Variants in PHF6 observed in about 807,000 individuals in gnomAD.
PHF6 encodes the protein PHD-like zinc finger protein.
PHF6 carries 7 observed loss-of-function variants against 34.0 expected under a neutral mutation model. The ratio of observed to expected loss-of-function variants is 0.21; its 90% CI spans 0.12 to 0.39. The LOEUF is 0.39. PHF6 is among the 10% of genes least tolerant of loss of function. The probability of loss-of-function intolerance (pLI) is 1.00; values close to 1 mark genes in which losing one functional copy is unlikely to be tolerated. For synonymous variants in PHF6, 89 were observed against 88.4 expected, an observed-to-expected ratio of 1.01 and a Z score of -0.04; for missense variants, 128 against 262.8, an observed-to-expected ratio of 0.49 and a Z score of 3.55.
intron 3 of PHF6, among the ~76,000 whole-genome samples, chrX:134,388,338 C>G (rs1360693744): frequency 8.9e-6 from 1 of 111,879 alleles, no homozygotes; most frequent in Non-Finnish European, 1.9e-5. Flanking sequence ...GCTGCTTTCA[C>G]TTTGTTTTTG....
chrX:134,418,907 A>C (rs763815119), intron 9 of PHF6: 1 of 106,537 alleles, frequency 9.4e-6, no homozygotes, highest in East Asian at 3.0e-4. Context: ...CAGTAGTGTG[A>C]TCATGACTCA....
At chrX:134,409,242 A>G (rs73573261) in intron 5 of PHF6, among the ~76,000 whole-genome samples, 1,383 of 111,418 alleles carry the variant, frequency 0.012, 24 homozygotes, top group African/African-American at 0.043. Flanking sequence ...TCCATTTTTA[A>G]AAAATGGATA....
At chrX:134,385,216 G>C (rs993867279) in intron 3 of PHF6, among the ~76,000 whole-genome samples, 1 of 110,895 alleles carries the variant, frequency 9.0e-6, no homozygotes, top group African/African-American at 3.3e-5. Flanking sequence ...TCCCCGCTGC[G>C]GTGCCTGTAC....
intron 3 of PHF6, among the ~76,000 whole-genome samples, chrX:134,382,079 CAGT>C (rs2077310078): frequency 9.0e-6 from 1 of 111,522 alleles, no homozygotes; most frequent in South Asian, 3.8e-4. Flanking sequence ...TGAGAGGGCT[CAGT>C]AGAGCAGGAG....
At chrX:134,412,538 G>A (rs772129287) in intron 5 of PHF6, among the ~76,000 whole-genome samples, 2 of 111,694 alleles carry the variant, frequency 1.8e-5, no homozygotes, top group African/African-American at 6.5e-5. Flanking sequence ...AAAAAATGGC[G>A]AAAATATTAG....
intron 5 of PHF6, among the ~76,000 whole-genome samples, chrX:134,413,056 C>T (rs2077457492): frequency 8.9e-6 from 1 of 111,900 alleles, no homozygotes; most frequent in Admixed American, 9.6e-5. Flanking sequence ...GCAGTGCGGT[C>T]AGTGTGACTA....
intron 8 of PHF6, chrX:134,415,359 G>T: frequency 2.2e-6 from 1 of 448,890 alleles, no homozygotes; most frequent in Non-Finnish European, 3.7e-6. Context: ...TACATTTCAA[G>T]GCATTTGCAA....
rs1192198106 is a variant in PHF6 at position 134,427,417 on chromosome X, T to TAA, written c.*1757_*1758insAA. On this transcript the variant is annotated 3_prime_UTR_variant, in exon 11 of 11. Transcript: ENST00000370803. ...CCTTAAATCACTGTGTCTAGATCAT[T>TAA]TTTTACATTGTGTGCCATAGACTTA... 1.3e-5 allele frequency: 2 copies of TAA among 159,249 alleles called. No individual in the cohort carries two copies. Among genetic ancestry groups the TAA allele is most frequent in the Non-Finnish European group, 2.4e-5 (2 of 82,137 alleles). The allele number at this position is 159,249 out of a possible 1,213,427, so 13.1% of individuals were successfully genotyped here.
intron 5 of PHF6, among the ~76,000 whole-genome samples, chrX:134,403,193 G>T (rs1409179649): frequency 8.9e-6 from 1 of 112,371 alleles, no homozygotes; most frequent in Admixed American, 9.5e-5. Context: ...TAGGCCTCTT[G>T]TACCAAACAG....
intron 9 of PHF6, chrX:134,418,557 A>G (rs1030856373): frequency 8.9e-6 from 1 of 111,757 alleles, no homozygotes; most frequent in Non-Finnish European, 1.9e-5. Context: ...GTAAAAGACA[A>G]TGTACACAAG....
At chrX:134,415,373 G>A (rs779909153) in intron 8 of PHF6, 11 of 414,301 alleles carry the variant, frequency 2.7e-5, no homozygotes, top group Middle Eastern at 7.0e-4. Context: ...TTTGCAAGCC[G>A]TTTAATAAAA....
chrX:134,411,923 G>A (rs1165695877), intron 5 of PHF6, among the ~76,000 whole-genome samples: 1 of 111,075 alleles, frequency 9.0e-6, no homozygotes, highest in Non-Finnish European at 1.9e-5. Flanking sequence ...TAGTAGAGAC[G>A]GGGTTTCACC....
chrX:134,413,506 G>A lies in PHF6; in HGVS notation c.434G>A (p.Ser145Asn). 5.0e-6 allele frequency: 6 copies of A among 1,210,715 alleles called. No homozygotes were observed. Among genetic ancestry groups the A allele is most frequent in the Non-Finnish European group, 6.7e-6 (6 of 895,250 alleles). The part of the protein sequence containing the change: ...AHNSEADLEE[S>N]FNEHELEPSS... Reference sequence around the variant, plus strand: ...TTTTAAGCAGCTGATTTAGAAGAAAGTTTTAATGAACATGAACTGGAGCCC... The same window carrying A: ...TTTTAAGCAGCTGATTTAGAAGAAAATTTTAATGAACATGAACTGGAGCCC... Residue 145 changes from serine to asparagine, a missense_variant, in exon 6 of 11, where the codon AGT becomes AAT. Ser to Asn is a conservative substitution (Grantham distance 46, BLOSUM62 1). Around this residue, in one of 3 missense-constraint regions of PHF6, gnomAD observed 97 missense variants for 152.9 expected, o/e 0.63. Transcript: ENST00000370803.
At chrX:134,394,548 T>C (rs1332681240) in intron 5 of PHF6, among the ~76,000 whole-genome samples, 1 of 109,969 alleles carries the variant, frequency 9.1e-6, no homozygotes, top group Non-Finnish European at 1.9e-5. Flanking sequence ...TTTGTGTTTT[T>C]TTTTTTTTGT....
chrX:134,396,746 G>T (rs1174660061), intron 5 of PHF6, among the ~76,000 whole-genome samples: 1 of 110,607 alleles, frequency 9.0e-6, no homozygotes, highest in Non-Finnish European at 1.9e-5. Flanking sequence ...AGTTGATTTT[G>T]AGTGCTTTGT....
At position 134,420,785 on chromosome X, in the gene PHF6, G is replaced by C. The variant is rs750574007; in HGVS notation, c.968+3483G>C. On this transcript the variant is annotated intron_variant, in intron 9 of 10. Coordinates refer to ENST00000370803, the MANE Select transcript of PHF6 (RefSeq NM_001015877.2). ...TTTTTGCTATTTTTTGTAGAGACAA[G>C]ATTTCACCTTGTTGTCCAGGCTGGT... Among the ~76,000 whole-genome samples the C allele has an allele frequency of 1.4e-4, 15 of 110,841 alleles. No homozygotes were observed. In the South Asian group the frequency reaches 5.7e-3, roughly 42 times the overall value.
intron 5 of PHF6, among the ~76,000 whole-genome samples, chrX:134,397,691 C>G (rs780117487): frequency 9.0e-6 from 1 of 111,396 alleles, no homozygotes; most frequent in African/African-American, 3.3e-5. Flanking sequence ...AAATATCTCC[C>G]CTATCAATGG....
chrX:134,413,372 A>G (rs1602715268), intron 5 of PHF6, 119 bp from the exon 6 acceptor site: 2 of 726,910 alleles, frequency 2.8e-6, no homozygotes, highest in South Asian at 5.2e-5. Context: ...ACCACAGACC[A>G]TTTCTCCTCA....
rs2077466845 is a variant in PHF6, at chrX:134,414,956, A to G, written c.730-60A>G. 5.3e-6 allele frequency: 5 copies of G among 942,383 alleles called. No individual in the cohort carries two copies. The South Asian group carries it at 1.0e-4, about 20-fold the overall frequency. 77.7% of individuals were successfully genotyped at this position (942,383 alleles called of 1,213,427 possible). A position where few individuals can be genotyped will look rare whatever the true frequency, so the allele number is the denominator to read the frequency against. ...TTAAATATAACACACTTGTTATCAC[A>G]TTTAATGTTTCTCTCATAAGGATTC... On this transcript the variant is annotated intron_variant, in intron 7 of 10. Transcript: ENST00000370803.
Sources: gnomAD v4.1 joint callset for allele counts (sites outside exome capture counted in the v4.1 genomes callset) on GRCh38, gnomAD v4.1.1 for gene constraint, gnomAD v4.1.1 regional missense constraint, MANE v1.5 for transcripts, NCBI Gene and HGNC (gene_info 2026-07-23, HGNC 2026-07-21) for gene names.